The following TUBGCP6 variants were observed in gnomAD, a reference collection of about 807,000 sequenced individuals.
The protein encoded by TUBGCP6 is gamma-tubulin complex component 6.
A neutral mutation model predicts 175.8 loss-of-function variants in TUBGCP6; 161 were observed. That is an observed-to-expected ratio of 0.92 (90% confidence interval 0.81 to 1.04). The LOEUF (loss-of-function observed/expected upper bound fraction) is 1.04. Among genes scored for constraint, TUBGCP6 ranks in the 50% least tolerant of loss-of-function variants. The probability of loss-of-function intolerance (pLI) is 0.00; values close to 1 mark genes in which losing one functional copy is unlikely to be tolerated. For missense variants in TUBGCP6, 2,572 were observed against 2,433.0 expected, an observed-to-expected ratio of 1.06 and a Z score of -1.20; for synonymous variants, 1,173 against 1,030.5, an observed-to-expected ratio of 1.14 and a Z score of -2.65.
chr22:50,228,115 G>A, intron 4 of TUBGCP6, 87 bp from the exon 5 acceptor site: 1 of 1,404,544 alleles, frequency 7.1e-7, no homozygotes, highest in Admixed American at 2.9e-5. Flanking sequence ...GCTGGGAACA[G>A]CGCTTTGTTT....
At position 50,229,583 on chromosome 22, in the gene TUBGCP6, C is replaced by A. The variant is rs2064663618; in HGVS notation, c.1117-6G>T. ...ACCACAAAGGCCTGGGCCGGCTGCA[C>A]AGGGGCAGAGGACACTGGTCACAGA... On this transcript the variant is annotated splice_polypyrimidine_tract_variant and splice_region_variant and intron_variant, in intron 3 of 24. Coordinates refer to ENST00000248846, the MANE Select transcript of TUBGCP6 (RefSeq NM_020461.4). 1.3e-6 allele frequency: 2 copies of A among 1,582,422 alleles called. No homozygotes were observed. The highest frequency in any genetic ancestry group is 1.3e-5 in the African/African-American group (1 of 74,202).
rs370595978 is a variant in TUBGCP6 at position 50,225,866 on chromosome 22, C to T, written c.1911G>A (p.Glu637=). 1.6e-5 allele frequency: 26 copies of T among 1,613,902 alleles called. No homozygotes were observed. Among genetic ancestry groups the T allele is most frequent in the African/African-American group, 4.0e-5 (3 of 74,898 alleles). The change falls in exon 10 of 25, where the codon GAG becomes GAA. Residue 637 remains glutamate (E), a synonymous_variant. Coordinates refer to ENST00000248846, the MANE Select transcript of TUBGCP6 (RefSeq NM_020461.4). ...GCCCAACGTAGACGGCACAGTCCTT[C>T]TCAATCTCCTTCAACTCCTCAAGGG... The part of the protein sequence containing the change: ...IFSLEELKEI[E]KDCAVYVGRM...
chr22:50,240,333 C>T lies in TUBGCP6; in HGVS notation c.776G>A (p.Gly259Glu). The T allele has an allele frequency of 6.2e-7, 1 of 1,613,738 alleles. No individual in the cohort carries two copies. Among genetic ancestry groups the T allele is most frequent in the Non-Finnish European group, 8.5e-7 (1 of 1,179,962 alleles). Residue 259 changes from glycine (G) to glutamate (E), a missense_variant, in exon 2 of 25, where the codon GGA becomes GAA. By Grantham distance (98) the Gly-to-Glu change is moderately conservative. Transcript: ENST00000248846. ...PPSVDQWEDE[G>E]FQSASNLTPD... The stretch of plus-strand genomic sequence containing the variant: ...AGTCAAGTTGGACGCTGACTGGAAT[C>T]CTTCGTCTTCCCACTGATCCACACT...
At chr22:50,224,706 A>G (rs2064580331) in intron 10 of TUBGCP6, 114 bp from the exon 11 acceptor site, 9 of 1,020,118 alleles carry the variant, frequency 8.8e-6, no homozygotes, top group Non-Finnish European at 1.2e-5. Context: ...TAAGAGTTCA[A>G]GACCAGCCTG....
At chr22:50,231,337 C>A (rs186760816) in intron 3 of TUBGCP6, among the ~76,000 whole-genome samples, 1 of 151,558 alleles carries the variant, frequency 6.6e-6, no homozygotes, top group Admixed American at 6.6e-5. Flanking sequence ...GCCTGTAGTC[C>A]CAGCTACTTG....
intron 9 of TUBGCP6, 24 bp downstream of exon 9, chr22:50,226,026 C>T (rs375965508): frequency 6.2e-7 from 1 of 1,613,926 alleles, no homozygotes; most frequent in Non-Finnish European, 8.5e-7. Context: ...CCCCTCTCTT[C>T]CCCACACATG....
intron 16 of TUBGCP6, 59 bp from the exon 17 acceptor site, chr22:50,220,074 A>T: frequency 6.4e-7 from 1 of 1,574,620 alleles, no homozygotes; most frequent in Non-Finnish European, 8.6e-7. Context: ...GCGGGTACAG[A>T]GCCGAGCCGG....
At position 50,240,282 on chromosome 22, in the gene TUBGCP6, A is replaced by T. The variant is rs766642779; in HGVS notation, c.827T>A (p.Val276Glu). Residue 276 changes from valine to glutamate, a missense_variant, in exon 2 of 25, where the codon GTG becomes GAG. By Grantham distance (121) the Val-to-Glu change is moderately radical. Transcript: ENST00000248846. Reference protein sequence around the residue: ...LTPDSQSEPSVTPDVDLWEAA... With the variant: ...LTPDSQSEPSETPDVDLWEAA... Reference sequence around the variant, plus strand: ...TTCCCACAGGTCCACGTCTGGGGTCACGCTGGGCTCAGACTGGGAATCAGG... The same window carrying T: ...TTCCCACAGGTCCACGTCTGGGGTCTCGCTGGGCTCAGACTGGGAATCAGG... The T allele has an allele frequency of 1.7e-5, 27 of 1,614,028 alleles. No individual in the cohort carries two copies. The highest frequency in any genetic ancestry group is 2.3e-5 in the Non-Finnish European group (27 of 1,180,022).
At position 50,221,041 on chromosome 22, in the gene TUBGCP6, GAT is replaced by G; in HGVS notation, c.3316_3317del (p.Ile1106ProfsTer87). On this transcript the variant is annotated frameshift_variant, in exon 16 of 25. Transcript: ENST00000248846. LOFTEE classifies it high-confidence loss of function. ...TGCTGGCGTTGGACACATGTCCATG[GAT>G]GTTCCACCGTGGCCGAGTGGGAGCC... ...DVAPTRPRWN[I>X]HGHVSNASIR... is the part of the protein sequence containing the mutation. 6.2e-7 allele frequency: 1 copy of G among 1,612,392 alleles called. No homozygotes were observed. Among genetic ancestry groups the G allele is most frequent in the Non-Finnish European group, 8.5e-7 (1 of 1,179,610 alleles).
intron 2 of TUBGCP6, among the ~76,000 whole-genome samples, chr22:50,237,781 TCTC>T (rs1303003829): frequency 6.6e-6 from 1 of 152,030 alleles, no homozygotes; most frequent in South Asian, 2.1e-4. Flanking sequence ...AGTGACCATG[TCTC>T]CTCATCAGCA....
chr22:50,219,155 C>G lies in TUBGCP6; in HGVS notation c.4539G>C (p.Leu1513=). The change falls in exon 20 of 25, where the codon CTG becomes CTC. Residue 1513 remains leucine, a synonymous_variant. Transcript: ENST00000248846. ...AVDYFFVELH[L]EAHYEALRHF... The stretch of plus-strand genomic sequence containing the variant: ...GCCGCAGTGCCTCATAGTGCGCCTC[C>G]AGGTGCAGCTCCACGAAGAAGTAGT... 1 of 1,612,870 alleles carries G rather than the reference C, an allele frequency of 6.2e-7. No individual in the cohort carries two copies. The highest frequency in any genetic ancestry group is 8.5e-7 in the Non-Finnish European group (1 of 1,179,996).
chr22:50,226,505 G>A (rs533998883), intron 7 of TUBGCP6, 127 bp from the exon 8 acceptor site: 8 of 836,612 alleles, frequency 9.6e-6, no homozygotes, highest in South Asian at 4.8e-5. Context: ...GCTGTGAGAG[G>A]TGGAGTGGGG....
At chr22:50,218,950 C>G in intron 20 of TUBGCP6, 53 bp from the exon 21 acceptor site, 2 of 1,586,134 alleles carry the variant, frequency 1.3e-6, no homozygotes, top group Non-Finnish European at 1.7e-6. Context: ...ATGCCTGGCA[C>G]TCGCCGGCAC....
rs185093932 is a variant in TUBGCP6, at chr22:50,244,762, G to A, written c.-303C>T. The A allele has an allele frequency of 1.4e-5, 5 of 365,884 alleles. No homozygotes were observed. The highest frequency in any genetic ancestry group is 1.0e-4 in the African/African-American group (5 of 47,864). 22.7% of individuals were successfully genotyped at this position (365,884 alleles called of 1,614,324 possible). On this transcript the variant is annotated 5_prime_UTR_variant, in exon 1 of 25. Coordinates refer to ENST00000248846, the MANE Select transcript of TUBGCP6 (RefSeq NM_020461.4). ...AACCTTTAGGGAGTCACAGAACCGT[G>A]GCAAAACCGAAGAACGAAACGCGCG...
rs757195195 is a variant in TUBGCP6, at chr22:50,225,954, G to A, written c.1834-11C>T. ...CCAACAGAGGTAATGCTGCCAAAGG[G>A]GATGCAAGCACAGCCACCAGCACTC... On this transcript the variant is annotated splice_polypyrimidine_tract_variant and intron_variant, in intron 9 of 24. Transcript: ENST00000248846. 6.8e-6 allele frequency: 11 copies of A among 1,613,356 alleles called. No homozygotes were observed. Among genetic ancestry groups the A allele is most frequent in the Non-Finnish European group, 5.9e-6 (7 of 1,179,686 alleles).
intron 22 of TUBGCP6, 34 bp downstream of exon 22, chr22:50,218,454 G>A (rs551363130): frequency 6.2e-7 from 1 of 1,613,018 alleles, no homozygotes; most frequent in Admixed American, 1.7e-5. Context: ...CTCCAGCCAG[G>A]GGTGCGGGGC....
Position 50,221,396 on chromosome 22 carries a change from C to T in TUBGCP6, c.2963G>A (p.Ser988Asn). ...GSSGLQLWED[S>N]CGKMDACGSA... ...GCCACAGGCATCCATCTTCCCACAA[C>T]TGTCCTCCCACAGCTGTAGCCCTGA... Residue 988 changes from serine to asparagine, a missense_variant, in exon 16 of 25, where the codon AGT becomes AAT. Coordinates refer to ENST00000248846, the MANE Select transcript of TUBGCP6 (RefSeq NM_020461.4). 6.2e-7 allele frequency: 1 copy of T among 1,607,528 alleles called. No homozygotes were observed. The highest frequency in any genetic ancestry group is 8.5e-7 in the Non-Finnish European group (1 of 1,179,256).
intron 10 of TUBGCP6, 140 bp downstream of exon 10, chr22:50,225,654 C>T (rs1039651653): frequency 5.4e-6 from 6 of 1,103,366 alleles, no homozygotes; most frequent in East Asian, 2.7e-5. Context: ...TTGGCACCCA[C>T]CCAGGCCACC....
At position 50,220,700 on chromosome 22, in the gene TUBGCP6, T is replaced by C; in HGVS notation, c.3659A>G (p.Asp1220Gly). Residue 1220 changes from aspartate to glycine, a missense_variant, in exon 16 of 25, where the codon GAC becomes GGC. Asp to Gly is a moderately conservative substitution (Grantham distance 94). Transcript: ENST00000248846. ...GTTCTCCCCAACCCTGATGCTGGTG[T>C]CAGACACATGTCCGTGGGTGTTCCA... ...PRWNTHGHVS[D>G]TSIRVGENVS... 6.2e-7 allele frequency: 1 copy of C among 1,608,060 alleles called. No homozygotes were observed. Among genetic ancestry groups the C allele is most frequent in the Non-Finnish European group, 8.5e-7 (1 of 1,179,262 alleles).
Sources: gnomAD v4.1 joint callset for allele counts (sites outside exome capture counted in the v4.1 genomes callset) on GRCh38, gnomAD v4.1.1 for gene constraint, MANE v1.5 for transcripts, NCBI Gene and HGNC (gene_info 2026-07-23, HGNC 2026-07-21) for gene names.